IL1RAPL1: variants seen among roughly 807,000 people sequenced by gnomAD.
IL1RAPL1 encodes the protein interleukin-1 receptor accessory protein-like 1.
In IL1RAPL1, 3 loss-of-function variants were observed where a neutral mutation model predicts 48.4. The observed-to-expected ratio is 0.06, with a 90% CI of 0.03 to 0.16. The LOEUF (loss-of-function observed/expected upper bound fraction) is 0.16, where lower values mean the gene tolerates loss of function less well. Ranked by LOEUF, IL1RAPL1 falls within the 10% of genes least tolerant of loss-of-function variation. The probability of loss-of-function intolerance (pLI) is 1.00; values close to 1 mark genes in which losing one functional copy is unlikely to be tolerated. For synonymous variants in IL1RAPL1, 185 were observed against 187.7 expected (o/e 0.99, Z 0.12); for missense variants, 349 against 530.6 (o/e 0.66, Z 3.36).
chrX:29,554,917 A>G (rs1225166424), intron 5 of IL1RAPL1, among the ~76,000 whole-genome samples: 1 of 112,346 alleles, frequency 8.9e-6, no homozygotes, highest in Non-Finnish European at 1.9e-5. Context: ...TGATTTTCAC[A>G]GTATATTTTT....
intron 2 of IL1RAPL1, among the ~76,000 whole-genome samples, chrX:28,896,551 G>A (rs982653168): frequency 1.1e-4 from 12 of 111,264 alleles, no homozygotes; most frequent in Admixed American, 1.1e-3. Context: ...GGCAGGTGGT[G>A]GAGGGCTAGT....
chrX:28,941,505 G>T (rs1924162620), intron 2 of IL1RAPL1, among the ~76,000 whole-genome samples: 1 of 111,336 alleles, frequency 9.0e-6, no homozygotes. Context: ...AGTCATAAAA[G>T]AGAATCAAGT....
chrX:29,539,805 C>T (rs779196364), intron 5 of IL1RAPL1, among the ~76,000 whole-genome samples: 14 of 111,466 alleles, frequency 1.3e-4, no homozygotes, highest in South Asian at 7.5e-4. Flanking sequence ...TCCTGTACAG[C>T]CTGCAGAACT....
intron 6 of IL1RAPL1, among the ~76,000 whole-genome samples, chrX:29,815,708 T>A (rs913710260): frequency 3.6e-5 from 4 of 111,184 alleles, no homozygotes; most frequent in African/African-American, 1.3e-4. Context: ...TGGTGTTGGC[T>A]GTGGGTTTGT....
intron 2 of IL1RAPL1, among the ~76,000 whole-genome samples, chrX:29,077,848 G>A (rs12557212): frequency 0.19 from 20,817 of 110,576 alleles, 1,650 homozygotes; most frequent in South Asian, 0.42. Context: ...CATTTAGAAA[G>A]TGAGGGTGGT....
At chrX:28,595,497 G>C (rs1398123985) in intron 1 of IL1RAPL1, among the ~76,000 whole-genome samples, 2 of 111,991 alleles carry the variant, frequency 1.8e-5, no homozygotes, top group South Asian at 3.7e-4. Context: ...GTGGAGACAG[G>C]GCTGTGGAGG....
At chrX:29,061,430 A>G (rs1927338860) in intron 2 of IL1RAPL1, among the ~76,000 whole-genome samples, 1 of 112,102 alleles carries the variant, frequency 8.9e-6, no homozygotes, top group Admixed American at 9.5e-5. Context: ...ATTTCTGTCA[A>G]TGAAGAAACT....
intron 2 of IL1RAPL1, among the ~76,000 whole-genome samples, chrX:29,073,297 T>A (rs1927604517): frequency 8.9e-6 from 1 of 111,835 alleles, no homozygotes; most frequent in Non-Finnish European, 1.9e-5. Context: ...ATCTCTTCAC[T>A]CTCACTAAAT....
rs186503910 is a variant in IL1RAPL1 at position 28,648,682 on chromosome X, G to A, written c.-25+60635G>A. Among the ~76,000 whole-genome samples, 219 of 111,790 alleles carry A rather than the reference G, an allele frequency of 2.0e-3. 1 individual carries two copies. The highest frequency in any genetic ancestry group is 6.8e-3 in the African/African-American group (208 of 30,788). On this transcript the variant is annotated intron_variant, in intron 1 of 10. Coordinates refer to ENST00000378993, the MANE Select transcript of IL1RAPL1 (RefSeq NM_014271.4). ...ATTGGGTATGAATCAGGATATAACAGTCTAGGATTGGTGAAAACAGGAAAG... is the reference window on the plus strand; with the variant it reads ...ATTGGGTATGAATCAGGATATAACAATCTAGGATTGGTGAAAACAGGAAAG...
At chrX:29,448,136 G>A (rs181327970) in intron 5 of IL1RAPL1, among the ~76,000 whole-genome samples, 8 of 111,527 alleles carry the variant, frequency 7.2e-5, no homozygotes, top group Admixed American at 1.9e-4. Flanking sequence ...TTGGTCATGG[G>A]GAACCACTGA....
intron 1 of IL1RAPL1, among the ~76,000 whole-genome samples, chrX:28,727,208 A>T (rs752386033): frequency 2.7e-5 from 3 of 109,784 alleles, no homozygotes; most frequent in Non-Finnish European, 5.7e-5. Context: ...CTTTTATTTC[A>T]TTGAGCAGTG....
At chrX:29,771,901 A>G (rs1929074385) in intron 6 of IL1RAPL1, among the ~76,000 whole-genome samples, 1 of 111,424 alleles carries the variant, frequency 9.0e-6, no homozygotes, top group African/African-American at 3.3e-5. Flanking sequence ...AAGGAGGAGC[A>G]AGAGGACGTC....
intron 6 of IL1RAPL1, among the ~76,000 whole-genome samples, chrX:29,802,440 CA>C: frequency 9.2e-6 from 1 of 109,153 alleles, no homozygotes; most frequent in African/African-American, 3.3e-5. Flanking sequence ...TCTCAAGGAC[CA>C]ATACTTTGGT....
intron 5 of IL1RAPL1, among the ~76,000 whole-genome samples, chrX:29,572,515 A>C (rs572257565): frequency 1.8e-5 from 2 of 112,558 alleles, no homozygotes; most frequent in African/African-American, 6.4e-5. Flanking sequence ...AAATTTGTTT[A>C]TACATTTACA....
intron 3 of IL1RAPL1, among the ~76,000 whole-genome samples, chrX:29,378,998 A>G (rs1043189210): frequency 1.8e-5 from 2 of 112,166 alleles, no homozygotes; most frequent in African/African-American, 6.5e-5. Flanking sequence ...CATGTGTTTC[A>G]CCCATTTCAG....
chrX:29,520,738 A>G (rs113895861), intron 5 of IL1RAPL1, among the ~76,000 whole-genome samples: 116 of 111,110 alleles, frequency 1.0e-3, no homozygotes, highest in African/African-American at 3.6e-3. Context: ...TCTTTATTGG[A>G]TCTTATAATT....
intron 6 of IL1RAPL1, among the ~76,000 whole-genome samples, chrX:29,737,788 C>A (rs1476815535): frequency 1.8e-5 from 2 of 112,427 alleles, no homozygotes; most frequent in South Asian, 3.7e-4. Context: ...GTGAGTTAAT[C>A]TAATAATCAG....
chrX:29,354,566 GCTGA>G (rs937782336), intron 3 of IL1RAPL1, among the ~76,000 whole-genome samples: 2 of 111,958 alleles, frequency 1.8e-5, no homozygotes, highest in African/African-American at 6.5e-5. Context: ...TGATGGTGTG[GCTGA>G]CTGGGAACTA....
At position 28,856,239 on chromosome X, in the gene IL1RAPL1, T is replaced by C. The variant is rs760001983; in HGVS notation, c.82+66814T>C. On this transcript the variant is annotated intron_variant, in intron 2 of 10. Coordinates refer to ENST00000378993, the MANE Select transcript of IL1RAPL1 (RefSeq NM_014271.4). ...ATCTGTGTTTGTCTGGGTTAGAATATGTGACTGAGAGTTCTCCCGATAAAC... is the reference window on the plus strand; with the variant it reads ...ATCTGTGTTTGTCTGGGTTAGAATACGTGACTGAGAGTTCTCCCGATAAAC... 7.1e-5 allele frequency among the ~76,000 whole-genome samples: 8 copies of C among 111,923 alleles called. No homozygotes were observed. The South Asian group carries it at 3.0e-3, about 42-fold the overall frequency.
Sources: allele counts gnomAD v4.1 joint callset (sites outside exome capture counted in the v4.1 genomes callset), GRCh38; gene constraint gnomAD v4.1.1; transcripts MANE v1.5; gene names NCBI Gene and HGNC (gene_info 2026-07-23, HGNC 2026-07-21).